Variants in RNF138 observed in about 807,000 individuals in gnomAD.
The protein encoded by RNF138 is E3 ubiquitin-protein ligase RNF138.
In RNF138, 12 loss-of-function variants were observed where a neutral mutation model predicts 31.0. The ratio of observed to expected loss-of-function variants is 0.39; its 90% CI spans 0.25 to 0.63. The LOEUF is 0.63. Ranked by LOEUF, RNF138 falls within the 20% of genes least tolerant of loss-of-function variation. RNF138 has a pLI of 0.52. For missense variants in RNF138, 192 were observed against 300.1 expected (o/e 0.64, Z 2.66); for synonymous variants, 105 against 99.5 (o/e 1.06, Z -0.33).
chr18:32,111,859 C>T lies in RNF138; in HGVS notation c.216C>T (p.Ala72=), dbSNP rs1445855140. 1.2e-6 allele frequency: 2 copies of T among 1,613,634 alleles called. No individual in the cohort carries two copies. The highest frequency in any genetic ancestry group is 1.7e-5 in the Admixed American group (1 of 59,912). ...GAGAGAGAGCATGTCCTGAACGGGC[C>T]TTAGACCTTGAAAATATAATGAGGA... ...TRRERACPER[A]LDLENIMRKF... The change falls in exon 3 of 8, where the codon GCC becomes GCT. Residue 72 remains alanine (A), a synonymous_variant. Transcript: ENST00000261593.
intron 2 of RNF138, 109 bp from the exon 3 acceptor site, chr18:32,111,645 C>T: frequency 1.1e-6 from 1 of 914,812 alleles, no homozygotes; most frequent in South Asian, 1.6e-5. Flanking sequence ...TATGAGTAGC[C>T]TAACTTATTT....
intron 5 of RNF138, 156 bp from the exon 6 acceptor site, chr18:32,124,578 A>T (rs2040355972): frequency 1.7e-6 from 1 of 579,566 alleles, no homozygotes; most frequent in Admixed American, 2.9e-5. Context: ...GTAATGCATC[A>T]TTTCCTGAAT....
rs2040446023 is a variant in RNF138, at chr18:32,129,913, A to G, written c.*726A>G. 6.6e-6 allele frequency: 1 copy of G among 152,280 alleles called. No individual in the cohort carries two copies. The allele number at this position is 152,280 out of a possible 1,614,324, so 9.4% of individuals were successfully genotyped here. On this transcript the variant is annotated 3_prime_UTR_variant, in exon 8 of 8. Transcript: ENST00000261593. ...GTAAGCCTAGAATATACTAAGCTGA[A>G]TAACAGCTCTTTGGCCTCAGAATTT...
At chr18:32,128,580 T>G (rs1047593666) in intron 7 of RNF138, among the ~76,000 whole-genome samples, 1 of 152,248 alleles carries the variant, frequency 6.6e-6, no homozygotes, top group African/African-American at 2.4e-5. Context: ...AATGCTTGTT[T>G]TCTTAAAATC....
chr18:32,111,584 A>T (rs139613619), intron 2 of RNF138, among the ~76,000 whole-genome samples, 170 bp from the exon 3 acceptor site: 26 of 152,280 alleles, frequency 1.7e-4, no homozygotes, highest in African/African-American at 6.3e-4. Context: ...TATCAGTCTT[A>T]CTCTCTGATA....
chr18:32,095,317 A>G (rs1376110248), intron 2 of RNF138, among the ~76,000 whole-genome samples: 1 of 152,092 alleles, frequency 6.6e-6, no homozygotes, highest in Non-Finnish European at 1.5e-5. Context: ...CTACAGGAGC[A>G]TGCCTCCATG....
chr18:32,122,696 C>T (rs1254201424), intron 4 of RNF138, among the ~76,000 whole-genome samples: 6 of 152,092 alleles, frequency 3.9e-5, no homozygotes, highest in South Asian at 2.1e-4. Context: ...TGGTGGCTCA[C>T]GCCTGTAATC....
At chr18:32,111,716 T>C (rs751205866) in intron 2 of RNF138, 38 bp from the exon 3 acceptor site, 8 of 1,473,734 alleles carry the variant, frequency 5.4e-6, no homozygotes, top group Admixed American at 2.0e-5. Context: ...AAGAGAGTAA[T>C]TTTTTTTGTA....
chr18:32,101,600 G>A (rs2039941772), intron 2 of RNF138, among the ~76,000 whole-genome samples: 4 of 152,008 alleles, frequency 2.6e-5, no homozygotes, highest in Admixed American at 2.6e-4. Flanking sequence ...ATCATGAATG[G>A]ATAGTTTCTG....
In RNF138 at chr18:32,117,154, G is replaced by A. The variant is rs548335045; in HGVS notation, c.392+3294G>A. ...TGACCTCAGGTGATCCACCTGCCTC[G>A]GCCTCCCAAAGTGATGGGATTACAG... On this transcript the variant is annotated intron_variant, in intron 4 of 7. Transcript: ENST00000261593. Among the ~76,000 whole-genome samples the A allele has an allele frequency of 2.8e-4, 43 of 151,948 alleles. 2 individuals are homozygous for A. Among genetic ancestry groups the A allele is most frequent in the Admixed American group, 2.7e-3 (41 of 15,230 alleles).
intron 2 of RNF138, among the ~76,000 whole-genome samples, chr18:32,106,472 TCTTTC>T (rs1201276257): frequency 6.6e-6 from 1 of 152,226 alleles, no homozygotes; most frequent in African/African-American, 2.4e-5. Flanking sequence ...AATCTGATTC[TCTTTC>T]CTTAGTAGGT....
intron 4 of RNF138, among the ~76,000 whole-genome samples, chr18:32,122,955 ACT>A (rs1481686836): frequency 2.6e-5 from 4 of 152,176 alleles, no homozygotes; most frequent in Admixed American, 2.0e-4. Flanking sequence ...GTGACACATG[ACT>A]CTCTGGCATA....
intron 2 of RNF138, among the ~76,000 whole-genome samples, chr18:32,095,358 G>A (rs938091363): frequency 6.6e-6 from 1 of 152,026 alleles, no homozygotes; most frequent in African/African-American, 2.4e-5. Flanking sequence ...TTTTTATAGA[G>A]ACAGGGCCTC....
At chr18:32,121,040 C>T (rs370418769) in intron 4 of RNF138, among the ~76,000 whole-genome samples, 3 of 151,648 alleles carry the variant, frequency 2.0e-5, no homozygotes. Flanking sequence ...GAGGCTGAGG[C>T]ACGAGAATCA....
intron 4 of RNF138, 34 bp downstream of exon 4, chr18:32,113,894 C>A: frequency 1.9e-6 from 2 of 1,069,280 alleles, no homozygotes; most frequent in South Asian, 2.8e-5. Flanking sequence ...ACAGAATTTT[C>A]ATAATTGAAA....
At chr18:32,124,612 CTT>C in intron 5 of RNF138, 120 bp from the exon 6 acceptor site, 1 of 616,036 alleles carries the variant, frequency 1.6e-6, no homozygotes, top group Non-Finnish European at 2.9e-6. Context: ...ATGAGAGAAT[CTT>C]TGAATAGTCT....
At chr18:32,111,667 ATATT>A (rs2040133711) in intron 2 of RNF138, 83 bp from the exon 3 acceptor site, 12 of 1,068,252 alleles carry the variant, frequency 1.1e-5, no homozygotes, top group Non-Finnish European at 1.6e-5. Context: ...ATATGAATAC[ATATT>A]TATAATCACT....
Position 32,124,798 on chromosome 18 carries a change from T to C in RNF138, c.514T>C (p.Leu172=). ...AGAATCAAATTTTACCAGACAGCGT[T>C]TACTGGATCACTGTAACAGTAATCA... ...CQESNFTRQR[L]LDHCNSNHLF... Residue 172 remains leucine, a synonymous_variant, in exon 6 of 8, where the codon TTA becomes CTA. Coordinates refer to ENST00000261593, the MANE Select transcript of RNF138 (RefSeq NM_016271.5). 1 of 1,605,172 alleles carries C rather than the reference T, an allele frequency of 6.2e-7. No individual in the cohort carries two copies. The highest frequency in any genetic ancestry group is 1.1e-5 in the South Asian group (1 of 90,906).
intron 6 of RNF138, among the ~76,000 whole-genome samples, chr18:32,126,266 TTAAAG>T (rs1297326691): frequency 3.3e-5 from 5 of 152,242 alleles, no homozygotes; most frequent in Admixed American, 6.5e-5. Context: ...AGGATACAAT[TTAAAG>T]TAAATTTTCC....
Sources: gnomAD v4.1 joint callset for allele counts (sites outside exome capture counted in the v4.1 genomes callset) on GRCh38, gnomAD v4.1.1 for gene constraint, MANE v1.5 for transcripts, NCBI Gene and HGNC (gene_info 2026-07-23, HGNC 2026-07-21) for gene names.